The following TGFA variants were observed in gnomAD, a reference collection of about 807,000 sequenced individuals.
The protein encoded by TGFA is protransforming growth factor alpha.
In TGFA, 12 loss-of-function variants were observed where a neutral mutation model predicts 21.7. That is an observed-to-expected ratio of 0.55 (90% CI 0.35 to 0.90). The LOEUF (loss-of-function observed/expected upper bound fraction) is 0.90. Among genes scored for constraint, TGFA ranks in the 40% least tolerant of loss-of-function variants. TGFA has a pLI of 0.01. For missense variants in TGFA, 178 were observed against 210.8 expected, an observed-to-expected ratio of 0.84 and a Z score of 0.96; for synonymous variants, 79 against 88.1, an observed-to-expected ratio of 0.90 and a Z score of 0.58.
intron 1 of TGFA, among the ~76,000 whole-genome samples, chr2:70,551,009 A>G (rs1392882250): frequency 6.6e-6 from 1 of 152,222 alleles, no homozygotes; most frequent in African/African-American, 2.4e-5. Flanking sequence ...AAACTCTCCC[A>G]GTTATACAAC....
chr2:70,495,349 G>T (rs1332537596), intron 2 of TGFA, among the ~76,000 whole-genome samples: 1 of 152,110 alleles, frequency 6.6e-6, no homozygotes, highest in Non-Finnish European at 1.5e-5. Context: ...AATATTTGGA[G>T]GTACAAATCC....
At chr2:70,541,649 G>A (rs1673133428) in intron 1 of TGFA, among the ~76,000 whole-genome samples, 1 of 152,270 alleles carries the variant, frequency 6.6e-6, no homozygotes, top group East Asian at 1.9e-4. Flanking sequence ...AGAAGAGGCC[G>A]GTGCTGTGGC....
At chr2:70,527,298 A>C (rs186250968) in intron 1 of TGFA, among the ~76,000 whole-genome samples, 28 of 152,370 alleles carry the variant, frequency 1.8e-4, no homozygotes, top group Middle Eastern at 6.8e-3. Context: ...AGTCACATAG[A>C]GAAAGCTTAA....
chr2:70,481,490 C>T (rs1671118510), intron 2 of TGFA, among the ~76,000 whole-genome samples: 1 of 152,160 alleles, frequency 6.6e-6, no homozygotes, highest in African/African-American at 2.4e-5. Context: ...GCAGTCCTTT[C>T]CCATTTCTAT....
intron 1 of TGFA, among the ~76,000 whole-genome samples, chr2:70,541,796 T>C (rs1479948956): frequency 6.6e-6 from 1 of 152,182 alleles, no homozygotes; most frequent in East Asian, 1.9e-4. Flanking sequence ...TCCTAAAAAC[T>C]GCTCAGGCCC....
At chr2:70,552,386 T>G (rs977231995) in intron 1 of TGFA, among the ~76,000 whole-genome samples, 11 of 152,240 alleles carry the variant, frequency 7.2e-5, no homozygotes, top group African/African-American at 2.7e-4. Flanking sequence ...AAGGGATAAT[T>G]ATATCCAGGA....
chr2:70,478,752 T>C (rs1671012171), intron 2 of TGFA, among the ~76,000 whole-genome samples: 1 of 152,256 alleles, frequency 6.6e-6, no homozygotes. Flanking sequence ...AGAAATAACC[T>C]GTGTTTAGAA....
chr2:70,471,437 T>G (rs1262357552), intron 2 of TGFA, among the ~76,000 whole-genome samples: 1 of 152,202 alleles, frequency 6.6e-6, no homozygotes, highest in Admixed American at 6.5e-5. Flanking sequence ...CACTGGGGCT[T>G]GTGCGCCCCT....
chr2:70,466,230 G>A (rs1247170271), intron 2 of TGFA, among the ~76,000 whole-genome samples: 2 of 152,214 alleles, frequency 1.3e-5, no homozygotes, highest in Non-Finnish European at 2.9e-5. Context: ...AGTATTGTCT[G>A]TATAGCGGTG....
chr2:70,475,174 A>C (rs1670885102), intron 2 of TGFA, among the ~76,000 whole-genome samples: 1 of 152,146 alleles, frequency 6.6e-6, no homozygotes, highest in Non-Finnish European at 1.5e-5. Context: ...ATTTTATCTA[A>C]AGTACCTGGT....
chr2:70,467,330 A>C (rs530806025), intron 2 of TGFA: 2 of 152,278 alleles, frequency 1.3e-5, no homozygotes, highest in South Asian at 4.2e-4. Flanking sequence ...AGGGGCTGAG[A>C]TGGGTCCTAC....
chr2:70,553,500 G>T, intron 1 of TGFA: 3 of 1,382,536 alleles, frequency 2.2e-6, no homozygotes, highest in South Asian at 3.6e-5. Context: ...TCTCACGCAC[G>T]GCCCAGGCAG....
At chr2:70,504,913 T>G (rs547507961) in intron 2 of TGFA, among the ~76,000 whole-genome samples, 22 of 152,338 alleles carry the variant, frequency 1.4e-4, no homozygotes, top group African/African-American at 5.3e-4. Flanking sequence ...GCTCTGCCAC[T>G]TTCTAACTAG....
At chr2:70,488,662 C>T (rs1435021568) in intron 2 of TGFA, among the ~76,000 whole-genome samples, 4 of 152,148 alleles carry the variant, frequency 2.6e-5, no homozygotes, top group African/African-American at 4.8e-5. Flanking sequence ...AATACTCTCC[C>T]GTTTGTTTTT....
chr2:70,514,199 C>T (rs1452912595), intron 2 of TGFA, among the ~76,000 whole-genome samples: 2 of 152,082 alleles, frequency 1.3e-5, no homozygotes, highest in African/African-American at 4.8e-5. Context: ...AATGCACAGC[C>T]CCAACATTTG....
intron 2 of TGFA, among the ~76,000 whole-genome samples, chr2:70,513,738 G>A (rs79862442): frequency 0.029 from 4,368 of 152,268 alleles, 212 homozygotes; most frequent in African/African-American, 0.1. Flanking sequence ...GGTGTGGTTG[G>A]CTACAGAATT....
chr2:70,508,353 GAGAATCGCTTGAATCTGGGAGGCAGA>G, intron 2 of TGFA, among the ~76,000 whole-genome samples: 1 of 152,356 alleles, frequency 6.6e-6, no homozygotes, highest in East Asian at 1.9e-4. Context: ...GCTGAGGCAG[GAGAATCGCTTGAATCTGGGAGGCAGA>G]GGTTGCAGTG....
intron 1 of TGFA, among the ~76,000 whole-genome samples, chr2:70,518,696 A>G (rs572575162): frequency 6.6e-6 from 1 of 152,272 alleles, no homozygotes; most frequent in South Asian, 2.1e-4. Flanking sequence ...TCAGCGTCAG[A>G]CACCCTTCAT....
chr2:70,498,305 A>G (rs540028122), intron 2 of TGFA, among the ~76,000 whole-genome samples: 2 of 152,364 alleles, frequency 1.3e-5, no homozygotes. Context: ...TGTTCAAACC[A>G]TCAGCCAGCA....
Sources: gnomAD v4.1 joint callset for allele counts (sites outside exome capture counted in the v4.1 genomes callset) on GRCh38, gnomAD v4.1.1 for gene constraint, MANE v1.5 for transcripts, NCBI Gene and HGNC (gene_info 2026-07-23, HGNC 2026-07-21) for gene names.